ATR: variants seen among roughly 807,000 people sequenced by gnomAD.
ATR encodes the protein serine/threonine-protein kinase ATR.
Under a neutral mutation model 305.3 loss-of-function variants are expected in ATR, and 142 were observed. The observed-to-expected ratio is 0.47, with a 90% CI of 0.41 to 0.53. ATR has a LOEUF of 0.53. ATR is among the 20% of genes least tolerant of loss of function. The pLI is 0.00. For synonymous variants in ATR, 1,050 were observed against 1,068.1 expected, an observed-to-expected ratio of 0.98 and a Z score of 0.33; for missense variants, 2,135 against 3,133.1, an observed-to-expected ratio of 0.68 and a Z score of 7.60.
Position 142,457,693 on chromosome 3 carries a change from T to C in ATR, c.7566A>G (p.Gly2522=), listed in dbSNP as rs1414577680. 1.2e-6 allele frequency: 2 copies of C among 1,614,044 alleles called. No homozygotes were observed. Among genetic ancestry groups the C allele is most frequent in the Non-Finnish European group, 1.7e-6 (2 of 1,179,978 alleles). Residue 2522 remains glycine, a synonymous_variant, in exon 45 of 47, where the codon GGA becomes GGG. Coordinates refer to ENST00000350721, the MANE Select transcript of ATR (RefSeq NM_001184.4). ...PFRLTHNMVN[G]MGPMGTEGLF... is the part of the protein sequence containing the mutation. ...GACCCTCTGTTCCCATAGGACCCATTCCATTAACCATATTATGAGTCAGGC... is the reference window on the plus strand; with the variant it reads ...GACCCTCTGTTCCCATAGGACCCATCCCATTAACCATATTATGAGTCAGGC...
chr3:142,538,771 T>C (rs148732350), intron 18 of ATR, 146 bp from the exon 19 acceptor site: 278 of 1,055,248 alleles, frequency 2.6e-4, no homozygotes, highest in Admixed American at 6.7e-4. Flanking sequence ...ATCAGTGCTA[T>C]ATATTCAAAT....
intron 32 of ATR, among the ~76,000 whole-genome samples, chr3:142,497,502 G>A (rs1417171448): frequency 1.3e-5 from 2 of 151,904 alleles, no homozygotes; most frequent in Admixed American, 6.6e-5. Flanking sequence ...GTTGCAGTGA[G>A]CTATGATTAT....
intron 1 of ATR, among the ~76,000 whole-genome samples, chr3:142,573,534 T>C (rs966867337): frequency 6.8e-6 from 1 of 148,016 alleles, no homozygotes; most frequent in Non-Finnish European, 1.5e-5. Flanking sequence ...AAAGAACAAG[T>C]AGTTACATTT....
intron 45 of ATR, among the ~76,000 whole-genome samples, chr3:142,456,259 G>A (rs2070903776): frequency 6.6e-6 from 1 of 150,480 alleles, no homozygotes. Context: ...CTCAAACAAA[G>A]AAACAAACTC....
intron 34 of ATR, among the ~76,000 whole-genome samples, chr3:142,494,081 AG>A (rs2031444275): frequency 6.6e-6 from 1 of 152,088 alleles, no homozygotes; most frequent in Admixed American, 6.5e-5. Flanking sequence ...AATATTACAA[AG>A]AAAAAATTAA....
chr3:142,549,107 A>C lies in ATR; in HGVS notation c.3171+372T>G, dbSNP rs188922066. Reference sequence around the variant, plus strand: ...GGACCAAATTGTAATCAGAACACCAAGTAACTAAAATATAGACATTATACT... The same window carrying C: ...GGACCAAATTGTAATCAGAACACCACGTAACTAAAATATAGACATTATACT... On this transcript the variant is annotated intron_variant, in intron 15 of 46. Transcript: ENST00000350721. Among the ~76,000 whole-genome samples the C allele has an allele frequency of 1.0e-3, 157 of 152,312 alleles. 1 individual carries two copies. Among genetic ancestry groups the C allele is most frequent in the African/African-American group, 3.6e-3 (149 of 41,580 alleles).
intron 22 of ATR, among the ~76,000 whole-genome samples, chr3:142,523,049 T>C (rs957385806): frequency 4.6e-5 from 7 of 152,218 alleles, no homozygotes; most frequent in African/African-American, 1.7e-4. Flanking sequence ...CTTTTTAGGC[T>C]ATTTCTAAGG....
rs762125386 is a variant in ATR, at chr3:142,559,357, T to C, written c.1626A>G (p.Lys542=). The C allele has an allele frequency of 5.0e-6, 8 of 1,613,840 alleles. No individual in the cohort carries two copies. In the African/African-American group the frequency reaches 5.3e-5, roughly 11 times the overall value. The change falls in exon 7 of 47, where the codon AAA becomes AAG. Residue 542 remains lysine (K), a synonymous_variant. Transcript: ENST00000350721. ...ACAAACTTCTACAGCTCTTAAGCAC[T>C]TTTGTGTAAAAATCCAATGACATCC... is the stretch of plus-strand genomic sequence containing the variant. ...ITWMSLDFYT[K]VLKSCRSLLE...
In ATR at chr3:142,558,605, C is replaced by A; in HGVS notation, c.1885+19G>T. 6.2e-7 allele frequency: 1 copy of A among 1,602,824 alleles called. No individual in the cohort carries two copies. The highest frequency in any genetic ancestry group is 1.1e-5 in the South Asian group (1 of 90,554). ...AGATAAATAAAACAAACCACACACA[C>A]ATTCTTGTGAGCACTTACAATAGCT... On this transcript the variant is annotated intron_variant, in intron 8 of 46. Transcript: ENST00000350721.
At chr3:142,508,798 C>T (rs1320829773) in intron 27 of ATR, among the ~76,000 whole-genome samples, 1 of 151,824 alleles carries the variant, frequency 6.6e-6, no homozygotes, top group African/African-American at 2.4e-5. Context: ...GTGACGGGTG[C>T]CTTTAGTCCC....
chr3:142,563,101 T>C lies in ATR; in HGVS notation c.301A>G (p.Asn101Asp). 6.2e-7 allele frequency: 1 copy of C among 1,601,560 alleles called. No individual in the cohort carries two copies. Residue 101 changes from asparagine to aspartate, a missense_variant, in exon 4 of 47, where the codon AAT becomes GAT. Transcript: ENST00000350721. Reference protein sequence around the residue: ...EAKGSCIEFSNWIITRLLRIA... With the variant: ...EAKGSCIEFSDWIITRLLRIA... ...CGCAGAAGTCTCGTTATGATCCAAT[T>C]ACTGAATTCTTTGAAATAAACAAAA...
intron 35 of ATR, among the ~76,000 whole-genome samples, chr3:142,486,052 C>T (rs2030902624): frequency 6.6e-6 from 1 of 151,106 alleles, no homozygotes; most frequent in African/African-American, 2.5e-5. Flanking sequence ...TCTTTCTGGC[C>T]ACTCTCACTT....
chr3:142,520,046 A>G (rs1250661153), intron 23 of ATR, among the ~76,000 whole-genome samples: 1 of 152,080 alleles, frequency 6.6e-6, no homozygotes, highest in East Asian at 1.9e-4. Flanking sequence ...TCTATGTCGC[A>G]TTTCGGTAAT....
chr3:142,543,812 G>A (rs2034157048), intron 16 of ATR, among the ~76,000 whole-genome samples: 1 of 152,020 alleles, frequency 6.6e-6, no homozygotes, highest in Admixed American at 6.6e-5. Context: ...TGTGACTACA[G>A]GCACGCACCA....
chr3:142,456,019 G>A (rs1212334389), intron 45 of ATR, among the ~76,000 whole-genome samples: 1 of 152,188 alleles, frequency 6.6e-6, no homozygotes, highest in Non-Finnish European at 1.5e-5. Flanking sequence ...AATGTGTAAA[G>A]AACTCTTGCA....
At chr3:142,451,309 C>A in intron 46 of ATR, 1 of 1,245,588 alleles carries the variant, frequency 8.0e-7, no homozygotes, top group South Asian at 1.5e-5. Context: ...GCAAGTTTGC[C>A]TGTCCTTATG....
chr3:142,452,983 G>A, intron 46 of ATR, 145 bp downstream of exon 46: 5 of 1,515,094 alleles, frequency 3.3e-6, no homozygotes, highest in Non-Finnish European at 4.4e-6. Flanking sequence ...TGTGATACTA[G>A]AGAACTAGAT....
chr3:142,571,704 TA>T (rs1429425100), intron 1 of ATR, among the ~76,000 whole-genome samples: 1 of 152,200 alleles, frequency 6.6e-6, no homozygotes, highest in Non-Finnish European at 1.5e-5. Flanking sequence ...TATAGCACTG[TA>T]AAATGTTCAT....
intron 46 of ATR, 84 bp downstream of exon 46, chr3:142,453,044 T>C (rs747418391): frequency 1.3e-6 from 2 of 1,591,944 alleles, no homozygotes; most frequent in Non-Finnish European, 1.7e-6. Context: ...TTCTCATGCA[T>C]AGAGATGAGA....
Sources: gnomAD v4.1 joint callset for allele counts (sites outside exome capture counted in the v4.1 genomes callset) on GRCh38, gnomAD v4.1.1 for gene constraint, MANE v1.5 for transcripts, NCBI Gene and HGNC (gene_info 2026-07-23, HGNC 2026-07-21) for gene names.